Variants in PRCC observed in about 807,000 individuals in gnomAD.
PRCC encodes the protein proline rich mitotic checkpoint control factor.
PRCC carries 10 observed loss-of-function variants against 44.0 expected under a neutral mutation model. That is an observed-to-expected ratio of 0.23 (90% CI 0.14 to 0.39). The LOEUF (loss-of-function observed/expected upper bound fraction) is 0.39. Ranked by LOEUF, PRCC falls within the 10% of genes least tolerant of loss-of-function variation. The probability of loss-of-function intolerance (pLI) is 1.00; values close to 1 mark genes in which losing one functional copy is unlikely to be tolerated. For synonymous variants in PRCC, 278 were observed against 259.5 expected (o/e 1.07, Z -0.69); for missense variants, 573 against 624.7 (o/e 0.92, Z 0.88).
At chr1:156,774,970 CG>C (rs1362846360) in intron 1 of PRCC, among the ~76,000 whole-genome samples, 2 of 144,656 alleles carry the variant, frequency 1.4e-5, no homozygotes, top group African/African-American at 5.0e-5. Flanking sequence ...AAAAAAAGGC[CG>C]GGTGCAGTGG....
intron 1 of PRCC, among the ~76,000 whole-genome samples, chr1:156,773,647 C>G (rs1278090623): frequency 6.6e-6 from 1 of 152,170 alleles, no homozygotes; most frequent in Non-Finnish European, 1.5e-5. Flanking sequence ...TTAGCACTCT[C>G]TAGAAGTTGA....
At chr1:156,794,315 A>T (rs930960573) in intron 4 of PRCC, among the ~76,000 whole-genome samples, 4 of 152,200 alleles carry the variant, frequency 2.6e-5, no homozygotes, top group Non-Finnish European at 4.4e-5. Context: ...TACCATTAAA[A>T]TAAAATTGAT....
rs1012959843 is a variant in PRCC at position 156,767,661 on chromosome 1, CTTTT to C, written c.-110_-107del. On this transcript the variant is annotated 5_prime_UTR_variant, in exon 1 of 7. Coordinates refer to ENST00000271526, the MANE Select transcript of PRCC (RefSeq NM_005973.5). ...AGCCCTAGAGTACGGAGCAGGCGGACTTTTCGGTTCCCCGCCCCGCCAGGTGGCG... is the reference window on the plus strand; with the variant it reads ...AGCCCTAGAGTACGGAGCAGGCGGACCGGTTCCCCGCCCCGCCAGGTGGCG... The C allele has an allele frequency of 6.0e-6, 7 of 1,159,156 alleles. No individual in the cohort carries two copies. In the African/African-American group the frequency reaches 1.1e-4, roughly 18 times the overall value. The allele number at this position is 1,159,156 out of a possible 1,614,324, so 71.8% of individuals were successfully genotyped here. A position where few individuals can be genotyped will look rare whatever the true frequency, so the allele number is the denominator to read the frequency against.
At chr1:156,792,081 T>TTTTTTTC (rs59205519) in intron 4 of PRCC, among the ~76,000 whole-genome samples, 1 of 118,706 alleles carries the variant, frequency 8.4e-6, no homozygotes, top group Non-Finnish European at 1.8e-5. Flanking sequence ...TTTTTTTTTT[T>TTTTTTTC]GGTAGAGACG....
chr1:156,791,660 C>T (rs1463435881), intron 3 of PRCC, 37 bp from the exon 4 acceptor site: 2 of 1,581,618 alleles, frequency 1.3e-6, no homozygotes, highest in Admixed American at 1.8e-5. Context: ...CAACTGTGCC[C>T]TCAGTTGGTG....
At chr1:156,773,722 C>G (rs907311477) in intron 1 of PRCC, among the ~76,000 whole-genome samples, 4 of 152,124 alleles carry the variant, frequency 2.6e-5, no homozygotes, top group Non-Finnish European at 5.9e-5. Context: ...AAAGGTTAAA[C>G]AAACAGAATG....
In PRCC at chr1:156,786,769, T is replaced by G. The variant is rs766921423; in HGVS notation, c.678T>G (p.Thr226=). The change falls in exon 3 of 7, where the codon ACT becomes ACG. Residue 226 remains threonine, a synonymous_variant. Coordinates refer to ENST00000271526, the MANE Select transcript of PRCC (RefSeq NM_005973.5). ...KPSRLASKTK[T]SSLAPVVGTT... ...CCAGACTGGCTTCTAAGACCAAGACTTCCTCTCTTGCCCCTGTTGTGGGCA... is the reference window on the plus strand; with the variant it reads ...CCAGACTGGCTTCTAAGACCAAGACGTCCTCTCTTGCCCCTGTTGTGGGCA... 1.2e-6 allele frequency: 2 copies of G among 1,614,190 alleles called. No individual in the cohort carries two copies. Among genetic ancestry groups the G allele is most frequent in the Non-Finnish European group, 1.7e-6 (2 of 1,180,016 alleles).
At chr1:156,776,206 A>T (rs928199325) in intron 1 of PRCC, among the ~76,000 whole-genome samples, 6 of 152,216 alleles carry the variant, frequency 3.9e-5, no homozygotes, top group South Asian at 2.1e-4. Flanking sequence ...CTACAAAAAA[A>T]TTTTAAAAAT....
At chr1:156,771,704 TTAAA>T (rs946780040) in intron 1 of PRCC, among the ~76,000 whole-genome samples, 2 of 152,170 alleles carry the variant, frequency 1.3e-5, no homozygotes, top group African/African-American at 4.8e-5. Context: ...TTCTTCTTTT[TTAAA>T]TAAATAGAGA....
At chr1:156,773,529 T>C (rs1651709888) in intron 1 of PRCC, among the ~76,000 whole-genome samples, 1 of 152,194 alleles carries the variant, frequency 6.6e-6, no homozygotes, top group Non-Finnish European at 1.5e-5. Context: ...AATGTGTGCC[T>C]ATTGTGGCCC....
Position 156,793,972 on chromosome 1 carries a change from T to A in PRCC, c.1180-693T>A, listed in dbSNP as rs1220510332. ...TTTCTTTCTTTTTTTTTTTTTTTTT[T>A]TGGAGACAGAGTTTCACTCTTCCCG... On this transcript the variant is annotated intron_variant, in intron 4 of 6. Transcript: ENST00000271526. Among the ~76,000 whole-genome samples the A allele has an allele frequency of 1.0e-4, 12 of 116,066 alleles. No individual in the cohort carries two copies. The East Asian group carries it at 3.6e-3, about 34-fold the overall frequency. 76.1% of individuals were successfully genotyped at this position (116,066 alleles called of 152,430 possible).
At chr1:156,784,449 G>A (rs1268164119) in intron 2 of PRCC, among the ~76,000 whole-genome samples, 1 of 152,222 alleles carries the variant, frequency 6.6e-6, no homozygotes, top group Non-Finnish European at 1.5e-5. Flanking sequence ...GGAATTCTGA[G>A]CTCTTAAGGC....
Position 156,767,764 on chromosome 1 carries a change from G to T in PRCC, c.-8G>T. ...GCCGGCAAGGGCGCCCGAAACGCGG[G>T]AGGCGCCATGTCGCTGGTTGCTTAC... On this transcript the variant is annotated 5_prime_UTR_variant, in exon 1 of 7. Coordinates refer to ENST00000271526, the MANE Select transcript of PRCC (RefSeq NM_005973.5). 1 of 1,589,128 alleles carries T rather than the reference G, an allele frequency of 6.3e-7. No homozygotes were observed. Among genetic ancestry groups the T allele is most frequent in the Non-Finnish European group, 8.6e-7 (1 of 1,169,484 alleles).
rs1311940261 is a variant in PRCC at position 156,787,449 on chromosome 1, TG to T, written c.1083+276del. Among the ~76,000 whole-genome samples the T allele has an allele frequency of 2.3e-3, 139 of 59,922 alleles. 3 individuals carry two copies. Among genetic ancestry groups the T allele is most frequent in the African/African-American group, 6.9e-3 (135 of 19,490 alleles). The allele number at this position is 59,922 out of a possible 152,430, so 39.3% of individuals were successfully genotyped here. ...CATAATATTTGTACATATTTGTGATTGATATATATATATATATATATATATA... is the reference window on the plus strand; with the variant it reads ...CATAATATTTGTACATATTTGTGATTATATATATATATATATATATATATA... On this transcript the variant is annotated intron_variant, in intron 3 of 6. Transcript: ENST00000271526.
At chr1:156,778,581 C>CT (rs746389120) in intron 1 of PRCC, among the ~76,000 whole-genome samples, 1,821 of 130,022 alleles carry the variant, frequency 0.014, 36 homozygotes, top group African/African-American at 0.042. Flanking sequence ...TATAGTAATT[C>CT]TTTTTTTTTT....
At chr1:156,788,194 T>C (rs1652344580) in intron 3 of PRCC, among the ~76,000 whole-genome samples, 1 of 152,206 alleles carries the variant, frequency 6.6e-6, no homozygotes, top group Non-Finnish European at 1.5e-5. Context: ...TGTCTATTGT[T>C]CCCTTCCTTG....
intron 1 of PRCC, among the ~76,000 whole-genome samples, chr1:156,770,909 G>GTA (rs1222624941): frequency 6.6e-6 from 1 of 152,222 alleles, no homozygotes; most frequent in Non-Finnish European, 1.5e-5. Context: ...AGCTAAGAAT[G>GTA]TACAGTAGTG....
At chr1:156,771,308 C>T (rs927869150) in intron 1 of PRCC, among the ~76,000 whole-genome samples, 17 of 152,092 alleles carry the variant, frequency 1.1e-4, no homozygotes, top group African/African-American at 4.1e-4. Context: ...GGATGCCATG[C>T]TAGGGTCTTT....
intron 3 of PRCC, among the ~76,000 whole-genome samples, chr1:156,790,159 ATTG>A (rs1050746609): frequency 1.1e-4 from 16 of 152,254 alleles, no homozygotes; most frequent in Admixed American, 1.0e-3. Flanking sequence ...GGTCAGCATT[ATTG>A]TTTTCAATCT....
Sources: gnomAD v4.1 joint callset for allele counts (sites outside exome capture counted in the v4.1 genomes callset) on GRCh38, gnomAD v4.1.1 for gene constraint, MANE v1.5 for transcripts, NCBI Gene and HGNC (gene_info 2026-07-23, HGNC 2026-07-21) for gene names.